Variants in PTPRN2 observed in about 807,000 individuals in gnomAD.
PTPRN2 encodes protein tyrosine phosphatase receptor type N2.
A neutral mutation model predicts 118.8 loss-of-function variants in PTPRN2; 74 were observed. The ratio of observed to expected loss-of-function variants is 0.62; its 90% confidence interval spans 0.52 to 0.76. The LOEUF (loss-of-function observed/expected upper bound fraction) is 0.76. Ranked by LOEUF, PTPRN2 falls within the 30% of genes least tolerant of loss-of-function variation. The pLI, the probability that PTPRN2 is intolerant of heterozygous loss-of-function variation, is 0.00. For synonymous variants in PTPRN2, 641 were observed against 608.0 expected, an observed-to-expected ratio of 1.05 and a Z score of -0.80; for missense variants, 1,481 against 1,394.4, an observed-to-expected ratio of 1.06 and a Z score of -0.99.
chr7:158,178,129 T>C (rs1276838531), intron 5 of PTPRN2, among the ~76,000 whole-genome samples: 1 of 152,254 alleles, frequency 6.6e-6, no homozygotes, highest in Non-Finnish European at 1.5e-5. Context: ...TGAGGAATGA[T>C]ACTGAATATT....
At chr7:157,620,232 T>G (rs181782702) in intron 15 of PTPRN2, among the ~76,000 whole-genome samples, 1 of 152,158 alleles carries the variant, frequency 6.6e-6, no homozygotes, top group African/African-American at 2.4e-5. Context: ...GGAACCTTCA[T>G]TGGAACCTGC....
chr7:158,202,354 G>A (rs1826705558), intron 4 of PTPRN2, among the ~76,000 whole-genome samples: 1 of 152,128 alleles, frequency 6.6e-6, no homozygotes, highest in Non-Finnish European at 1.5e-5. Flanking sequence ...CCCTCAGTAG[G>A]TGTCAGAGTC....
chr7:158,038,372 C>T (rs950496908), intron 11 of PTPRN2, among the ~76,000 whole-genome samples: 1 of 152,084 alleles, frequency 6.6e-6, no homozygotes. Flanking sequence ...TAAAATTCAA[C>T]CCCTGTCTCA....
chr7:157,650,981 A>G (rs1805617085), intron 14 of PTPRN2, among the ~76,000 whole-genome samples: 1 of 152,246 alleles, frequency 6.6e-6, no homozygotes, highest in South Asian at 2.1e-4. Context: ...AGGAGGGCCG[A>G]AGTTCAGAGG....
At chr7:158,034,855 A>C (rs6945759) in intron 11 of PTPRN2, among the ~76,000 whole-genome samples, 104,244 of 152,206 alleles carry the variant, frequency 0.68, 36,764 homozygotes, top group African/African-American at 0.84. Context: ...CTTCAGCTGC[A>C]AGAGAGTGGC....
rs111468004 is a variant in PTPRN2, at chr7:158,326,660, T to A, written c.164-9728A>T. Among the ~76,000 whole-genome samples the A allele has an allele frequency of 3.4e-3, 237 of 69,522 alleles. 5 individuals carry two copies. The highest frequency in any genetic ancestry group is 8.8e-3 in the Admixed American group (63 of 7,126). The allele number at this position is 69,522 out of a possible 152,430, so 45.6% of individuals were successfully genotyped here. ...CACACGTTTTCACACATGCTCACAC[T>A]CTCACATGCACACACATGCACAGTC... On this transcript the variant is annotated intron_variant, in intron 2 of 22. Coordinates refer to ENST00000389418, the MANE Select transcript of PTPRN2 (RefSeq NM_002847.5).
intron 3 of PTPRN2, among the ~76,000 whole-genome samples, chr7:158,308,989 AC>A (rs1054899766): frequency 8.1e-4 from 123 of 152,332 alleles, no homozygotes; most frequent in African/African-American, 2.9e-3. Flanking sequence ...GTAATTTAAA[AC>A]CTCATAAAGA....
At chr7:157,569,364 C>G (rs1448220047) in intron 20 of PTPRN2, among the ~76,000 whole-genome samples, 1 of 152,358 alleles carries the variant, frequency 6.6e-6, no homozygotes, top group East Asian at 1.9e-4. Flanking sequence ...CGGGCAACCT[C>G]CCGAGCGGAG....
rs146458308 is a variant in PTPRN2 at position 158,192,333 on chromosome 7, G to A, written c.543C>T (p.Pro181=). 3.4e-4 allele frequency: 499 copies of A among 1,475,306 alleles called. No homozygotes were observed. The highest frequency in any genetic ancestry group is 3.9e-4 in the Non-Finnish European group (434 of 1,120,100). The allele number at this position is 1,475,306 out of a possible 1,614,324, so 91.4% of individuals were successfully genotyped here. A position where few individuals can be genotyped will look rare whatever the true frequency, so the allele number is the denominator to read the frequency against. The stretch of plus-strand genomic sequence containing the variant: ...GAGGAAGTGGAAGGGTCACCTCAGC[G>A]GGGGGTCTGTCCTGCGCCGTATGGG... The part of the protein sequence containing the change: ...ARTHTAQDRP[P]AEGDDRFSES... The change falls in exon 5 of 23, where the codon CCC becomes CCT. Residue 181 remains proline, a synonymous_variant. Transcript: ENST00000389418.
rs562173360 is a variant in PTPRN2 at position 158,316,772 on chromosome 7, G to C, written c.277+47C>G. The C allele has an allele frequency of 1.9e-5, 27 of 1,427,194 alleles. 1 individual carries two copies. The South Asian group carries it at 3.2e-4, about 17-fold the overall frequency. 88.4% of individuals were successfully genotyped at this position (1,427,194 alleles called of 1,614,324 possible). A position where few individuals can be genotyped will look rare whatever the true frequency, so the allele number is the denominator to read the frequency against. ...CAGGAGGAGAAGCCAAGCCCGTGCGGTCGCTCAGTGCGGCAGCCGCCGAGC... is the reference window on the plus strand; with the variant it reads ...CAGGAGGAGAAGCCAAGCCCGTGCGCTCGCTCAGTGCGGCAGCCGCCGAGC... On this transcript the variant is annotated intron_variant, in intron 3 of 22. Transcript: ENST00000389418.
chr7:158,084,224 G>A (rs903360736), intron 10 of PTPRN2, among the ~76,000 whole-genome samples: 7 of 152,172 alleles, frequency 4.6e-5, no homozygotes, highest in Non-Finnish European at 1.0e-4. Context: ...CAGCAGCAGA[G>A]ATCCCTCCCC....
rs1813141505 is a variant in PTPRN2 at position 158,084,819 on chromosome 7, TACA to T, written c.1644-3445_1644-3443del. 4.3e-5 allele frequency among the ~76,000 whole-genome samples: 4 copies of T among 92,410 alleles called. No homozygotes were observed. The South Asian group carries it at 1.2e-3, about 27-fold the overall frequency. The allele number at this position is 92,410 out of a possible 152,430, so 60.6% of individuals were successfully genotyped here. On this transcript the variant is annotated intron_variant, in intron 10 of 22. Transcript: ENST00000389418. ...ATCCACACGGATGCCCATACACTCCTACAATGCCCATCCACACCCACGATGCCC... is the reference window on the plus strand; with the variant it reads ...ATCCACACGGATGCCCATACACTCCTATGCCCATCCACACCCACGATGCCC...
At chr7:158,000,342 G>A (rs991811964) in intron 11 of PTPRN2, among the ~76,000 whole-genome samples, 5 of 147,542 alleles carry the variant, frequency 3.4e-5, no homozygotes, top group South Asian at 2.3e-4. Context: ...GCCAAGGCCC[G>A]TAAGAGAAGG....
chr7:158,189,634 G>A (rs940660313), intron 5 of PTPRN2, among the ~76,000 whole-genome samples: 11 of 152,328 alleles, frequency 7.2e-5, no homozygotes, highest in African/African-American at 1.2e-4. Flanking sequence ...AACTTCTTCC[G>A]AGTCTCTGAA....
intron 2 of PTPRN2, among the ~76,000 whole-genome samples, chr7:158,331,963 G>C (rs1486534585): frequency 6.6e-6 from 1 of 151,208 alleles, no homozygotes; most frequent in Non-Finnish European, 1.5e-5. Context: ...GATAAGAGCT[G>C]ACAACTGAAG....
At chr7:158,480,406 C>T (rs1266370662) in intron 2 of PTPRN2, among the ~76,000 whole-genome samples, 3 of 152,158 alleles carry the variant, frequency 2.0e-5, no homozygotes, top group Admixed American at 6.5e-5. Context: ...CATCTCGCTC[C>T]CTCTCCTCCA....
intron 1 of PTPRN2, among the ~76,000 whole-genome samples, chr7:158,522,314 G>A (rs13310420): frequency 0.018 from 536 of 30,120 alleles, 18 homozygotes; most frequent in Middle Eastern, 0.042. Context: ...TGGACTGTCC[G>A]GGTAGTGGCT....
At chr7:158,331,695 C>A (rs1414259965) in intron 2 of PTPRN2, among the ~76,000 whole-genome samples, 6 of 150,544 alleles carry the variant, frequency 4.0e-5, no homozygotes, top group Non-Finnish European at 8.8e-5. Context: ...GTGACACTTG[C>A]AGACGTCACT....
At chr7:158,490,832 C>T (rs1424109627) in intron 1 of PTPRN2, among the ~76,000 whole-genome samples, 1 of 152,240 alleles carries the variant, frequency 6.6e-6, no homozygotes. Context: ...CGGGACTCGC[C>T]ACACTGTGCA....
Sources: gnomAD v4.1 joint callset for allele counts (sites outside exome capture counted in the v4.1 genomes callset) on GRCh38, gnomAD v4.1.1 for gene constraint, MANE v1.5 for transcripts, NCBI Gene and HGNC (gene_info 2026-07-23, HGNC 2026-07-21) for gene names.